Variants in ALPK2 observed in about 807,000 individuals in gnomAD.
ALPK2 encodes alpha-protein kinase 2.
ALPK2 carries 127 observed loss-of-function variants against 163.1 expected under a neutral mutation model. That is an observed-to-expected ratio of 0.78 (90% CI 0.67 to 0.90). The LOEUF is 0.90. ALPK2 is among the 40% of genes least tolerant of loss of function. The probability of loss-of-function intolerance (pLI) is 0.00; values close to 1 mark genes in which losing one functional copy is unlikely to be tolerated. For missense variants in ALPK2, 2,360 were observed against 2,589.6 expected, an observed-to-expected ratio of 0.91 and a Z score of 1.92; for synonymous variants, 953 against 959.1, an observed-to-expected ratio of 0.99 and a Z score of 0.12.
intron 5 of ALPK2, among the ~76,000 whole-genome samples, chr18:58,532,373 C>G (rs1194674415): frequency 6.6e-6 from 1 of 152,216 alleles, no homozygotes; most frequent in Non-Finnish European, 1.5e-5. Context: ...TCCTCCGAAG[C>G]TGGGAAAGGA....
chr18:58,607,149 G>C (rs2052102223), intron 3 of ALPK2, among the ~76,000 whole-genome samples, 173 bp downstream of exon 3: 1 of 152,258 alleles, frequency 6.6e-6, no homozygotes, highest in Non-Finnish European at 1.5e-5. Context: ...TTACTGAGCA[G>C]AGCTCAGGAA....
At chr18:58,507,320 G>A (rs1414402016) in intron 10 of ALPK2, among the ~76,000 whole-genome samples, 1 of 152,136 alleles carries the variant, frequency 6.6e-6, no homozygotes, top group African/African-American at 2.4e-5. Context: ...GGTAGGGATG[G>A]GGCAAAACCC....
At chr18:58,567,502 A>C (rs952108057) in intron 4 of ALPK2, among the ~76,000 whole-genome samples, 6 of 152,106 alleles carry the variant, frequency 3.9e-5, no homozygotes, top group African/African-American at 1.4e-4. Context: ...CCCTCACTTT[A>C]AGACACTGCC....
rs747997558 is a variant in ALPK2 at position 58,579,327 on chromosome 18, A to G, written c.1449T>C (p.Asn483=). ...HQAREEFASD[N]LLNMDESVRE... is the part of the protein sequence containing the mutation. ...TTACTGATTCATCCATGTTGAGCAG[A>G]TTGTCACTGGCAAATTCCTCTCTTG... Residue 483 remains asparagine (N), a synonymous_variant, in exon 4 of 13, where the codon AAT becomes AAC. Transcript: ENST00000361673. The G allele has an allele frequency of 3.0e-5, 48 of 1,613,972 alleles. No homozygotes were observed. The highest frequency in any genetic ancestry group is 3.9e-5 in the Non-Finnish European group (46 of 1,180,046).
chr18:58,498,748 T>G (rs891721548), intron 11 of ALPK2, among the ~76,000 whole-genome samples: 1 of 152,204 alleles, frequency 6.6e-6, no homozygotes, highest in Admixed American at 6.5e-5. Flanking sequence ...CTTCTCCTTT[T>G]CCCTTGGCTC....
intron 3 of ALPK2, among the ~76,000 whole-genome samples, chr18:58,594,331 A>C (rs2052030872): frequency 6.6e-6 from 1 of 152,244 alleles, no homozygotes; most frequent in South Asian, 2.1e-4. Context: ...CTTAGTTAAT[A>C]GATGACTGAC....
intron 4 of ALPK2, chr18:58,544,184 C>G (rs577889995): frequency 6.6e-6 from 1 of 152,284 alleles, no homozygotes; most frequent in Admixed American, 6.5e-5. Flanking sequence ...TGTTTCCAAG[C>G]CTCTTTTTGA....
At chr18:58,542,803 C>T (rs1480577655) in intron 4 of ALPK2, among the ~76,000 whole-genome samples, 1 of 152,172 alleles carries the variant, frequency 6.6e-6, no homozygotes, top group African/African-American at 2.4e-5. Context: ...GGTCAGCATG[C>T]AGTGGCGTGG....
intron 12 of ALPK2, among the ~76,000 whole-genome samples, chr18:58,484,495 T>G (rs4541157): frequency 0.33 from 50,721 of 151,976 alleles, 9,353 homozygotes; most frequent in African/African-American, 0.49. Flanking sequence ...AAAGTGTGAA[T>G]AATAATAATG....
intron 10 of ALPK2, among the ~76,000 whole-genome samples, chr18:58,506,228 G>A (rs2051461223): frequency 1.3e-5 from 2 of 152,058 alleles, no homozygotes; most frequent in East Asian, 1.9e-4. Context: ...AGGGGAGGGA[G>A]GGAGGAGGGT....
chr18:58,509,191 A>G (rs1248964152), intron 10 of ALPK2, among the ~76,000 whole-genome samples: 1 of 152,022 alleles, frequency 6.6e-6, no homozygotes, highest in African/African-American at 2.4e-5. Context: ...AGCTTCATCC[A>G]TGTCCCTACA....
intron 4 of ALPK2, among the ~76,000 whole-genome samples, chr18:58,568,117 G>T (rs2051866075): frequency 6.6e-6 from 1 of 152,160 alleles, no homozygotes; most frequent in Non-Finnish European, 1.5e-5. Context: ...GTTTCAAAAT[G>T]GTCTGTTTCC....
At chr18:58,538,314 A>G (rs1056181954) in intron 4 of ALPK2, 90 bp from the exon 5 acceptor site, 6 of 1,144,110 alleles carry the variant, frequency 5.2e-6, no homozygotes, top group East Asian at 2.4e-5. Flanking sequence ...TTAATCCTCA[A>G]TGACCGTAAT....
intron 4 of ALPK2, among the ~76,000 whole-genome samples, chr18:58,548,073 C>T (rs2051728130): frequency 6.6e-6 from 1 of 152,178 alleles, no homozygotes; most frequent in African/African-American, 2.4e-5. Flanking sequence ...GCAGGAAATA[C>T]TTGTCACGAT....
intron 3 of ALPK2, among the ~76,000 whole-genome samples, chr18:58,601,813 G>T (rs1273887075): frequency 6.6e-6 from 1 of 152,330 alleles, no homozygotes; most frequent in African/African-American, 2.4e-5. Context: ...ACAGACCCAT[G>T]ATAACTAAGA....
intron 3 of ALPK2, among the ~76,000 whole-genome samples, chr18:58,605,365 TGATCTA>T (rs1437916052): frequency 8.5e-5 from 13 of 152,354 alleles, no homozygotes; most frequent in African/African-American, 3.1e-4. Flanking sequence ...TTGCTAACAT[TGATCTA>T]GATAAACCAA....
chr18:58,575,201 C>T (rs2051912982), intron 4 of ALPK2, among the ~76,000 whole-genome samples: 1 of 139,170 alleles, frequency 7.2e-6, no homozygotes, highest in East Asian at 2.0e-4. Context: ...AGTGAAACCT[C>T]GTTTCAAAAA....
chr18:58,528,776 G>A (rs548928930), intron 6 of ALPK2: 7 of 324,332 alleles, frequency 2.2e-5, no homozygotes, highest in Non-Finnish European at 4.1e-5. Context: ...TTTAATCTTA[G>A]GACCACAGAA....
At chr18:58,575,316 G>A (rs1395581682) in intron 4 of ALPK2, among the ~76,000 whole-genome samples, 4 of 152,234 alleles carry the variant, frequency 2.6e-5, no homozygotes, top group African/African-American at 9.6e-5. Flanking sequence ...TCTATTACAC[G>A]GCAGGCACTA....
Sources: gnomAD v4.1 joint callset for allele counts (sites outside exome capture counted in the v4.1 genomes callset) on GRCh38, gnomAD v4.1.1 for gene constraint, MANE v1.5 for transcripts, NCBI Gene and HGNC (gene_info 2026-07-23, HGNC 2026-07-21) for gene names.